The following ZNF462 variants were observed in gnomAD, a reference collection of about 807,000 sequenced individuals.
The protein encoded by ZNF462 is zinc finger PBX1-interacting protein.
Under a neutral mutation model 201.9 loss-of-function variants are expected in ZNF462, and 10 were observed. That is an observed-to-expected ratio of 0.05 (90% CI 0.03 to 0.08). ZNF462 has a LOEUF of 0.08. ZNF462 is among the 10% of genes least tolerant of loss of function. The pLI, the probability that ZNF462 is intolerant of heterozygous loss-of-function variation, is 1.00. For missense variants in ZNF462, 2,523 were observed against 3,168.3 expected (o/e 0.80, Z 4.89); for synonymous variants, 1,227 against 1,193.3 (o/e 1.03, Z -0.58).
Position 106,924,106 on chromosome 9 carries a change from G to A in ZNF462, c.221-27G>A. 1.3e-6 allele frequency: 2 copies of A among 1,542,368 alleles called. No homozygotes were observed. The highest frequency in any genetic ancestry group is 8.8e-7 in the Non-Finnish European group (1 of 1,140,664). On this transcript the variant is annotated intron_variant, in intron 2 of 12. Transcript: ENST00000277225. This position sits in a 1 kb window ranked among gnomAD's most constrained non-coding sequence, Gnocchi z 6.2. The stretch of plus-strand genomic sequence containing the variant: ...GGATATTTTAATTATCTTTTGCTTT[G>A]TCACTTTCCTTATGCTTTTTCTTTA...
chr9:106,874,392 G>T (rs1827733983), intron 1 of ZNF462, among the ~76,000 whole-genome samples: 1 of 152,174 alleles, frequency 6.6e-6, no homozygotes, highest in African/African-American at 2.4e-5. Flanking sequence ...CTACCCTCAG[G>T]AACTGCTTTG....
Position 106,919,862 on chromosome 9 carries a change from G to A in ZNF462, c.-30-3492G>A, listed in dbSNP as rs1159055766. Among the ~76,000 whole-genome samples, 1 of 152,194 alleles carries A rather than the reference G, an allele frequency of 6.6e-6. No homozygotes were observed. Among genetic ancestry groups the A allele is most frequent in the Non-Finnish European group, 1.5e-5 (1 of 68,034 alleles). Reference sequence around the variant, plus strand: ...AGACATATATCTGGGGTAGAAGACAGGGATGCTTGTTTGATATGTAGATTC... The same window carrying A: ...AGACATATATCTGGGGTAGAAGACAAGGATGCTTGTTTGATATGTAGATTC... On this transcript the variant is annotated intron_variant, in intron 1 of 12. Transcript: ENST00000277225. The surrounding 1 kb of genome is among the most constrained non-coding windows in gnomAD (Gnocchi z 4.5).
rs1254174338 is a variant in ZNF462, at chr9:106,872,555, G to A, written c.-31+9200G>A. 2.0e-5 allele frequency among the ~76,000 whole-genome samples: 3 copies of A among 152,072 alleles called. No individual in the cohort carries two copies. The East Asian group carries it at 5.8e-4, about 29-fold the overall frequency. On this transcript the variant is annotated intron_variant, in intron 1 of 12. Transcript: ENST00000277225. The surrounding 1 kb of genome is among the most constrained non-coding windows in gnomAD (Gnocchi z 4.5). ...TTTCTTGTATTTTAGTAGAGACGGGGTTTCACTGTGTTGTCCAGGCTGGTC... is the reference window on the plus strand; with the variant it reads ...TTTCTTGTATTTTAGTAGAGACGGGATTTCACTGTGTTGTCCAGGCTGGTC...
Position 106,902,764 on chromosome 9 carries a change from G to A in ZNF462, c.-30-20590G>A, listed in dbSNP as rs182915419. Among the ~76,000 whole-genome samples the A allele has an allele frequency of 3.3e-5, 5 of 152,166 alleles. No homozygotes were observed. The East Asian group carries it at 9.6e-4, about 29-fold the overall frequency. ...TTTTTGTATTTCTGTGGTATCAGAT[G>A]TAATATCACCTGTTTTGTTTCTTAG... On this transcript the variant is annotated intron_variant, in intron 1 of 12. Transcript: ENST00000277225. This position sits in a 1 kb window ranked among gnomAD's most constrained non-coding sequence, Gnocchi z 4.2.
In ZNF462 at chr9:106,945,538, C is replaced by G. The variant is rs373250471; in HGVS notation, c.6427+6431C>G. ...AACGACAATCATGAAATGGAGACTC[C>G]CAAGTGAATAATTAATTGTAAAATA... is the stretch of plus-strand genomic sequence containing the variant. On this transcript the variant is annotated intron_variant, in intron 7 of 12. Coordinates refer to ENST00000277225, the MANE Select transcript of ZNF462 (RefSeq NM_021224.6). 1.6e-4 allele frequency among the ~76,000 whole-genome samples: 24 copies of G among 152,106 alleles called. 3 individuals carry two copies. Among genetic ancestry groups the G allele is most frequent in the Admixed American group, 1.4e-3 (22 of 15,264 alleles).
chr9:106,880,793 GT>G lies in ZNF462; in HGVS notation c.-31+17439del, dbSNP rs1248463160. 6.6e-6 allele frequency among the ~76,000 whole-genome samples: 1 copy of G among 152,222 alleles called. No homozygotes were observed. The highest frequency in any genetic ancestry group is 1.5e-5 in the Non-Finnish European group (1 of 68,044). ...TAAAAAGGAATGTCTAGTAGGCAGT[GT>G]GGGGACCTGGACTCCCAAGATGGAT... On this transcript the variant is annotated intron_variant, in intron 1 of 12. Coordinates refer to ENST00000277225, the MANE Select transcript of ZNF462 (RefSeq NM_021224.6). This position sits in a 1 kb window ranked among gnomAD's most constrained non-coding sequence, Gnocchi z 4.1.
chr9:106,936,267 G>A (rs1415078373), intron 6 of ZNF462, among the ~76,000 whole-genome samples: 3 of 152,136 alleles, frequency 2.0e-5, no homozygotes, highest in Non-Finnish European at 4.4e-5. Flanking sequence ...TACCCACCAG[G>A]CTGTGCACTA....
intron 10 of ZNF462, among the ~76,000 whole-genome samples, chr9:107,001,682 G>A (rs1362957957): frequency 6.6e-6 from 1 of 152,164 alleles, no homozygotes; most frequent in Non-Finnish European, 1.5e-5. Flanking sequence ...TAGAGGGGAA[G>A]AAAGAGAAAT....
intron 1 of ZNF462, among the ~76,000 whole-genome samples, chr9:106,922,166 T>G (rs1177724970): frequency 2.0e-5 from 3 of 152,236 alleles, no homozygotes; most frequent in Non-Finnish European, 4.4e-5. Context: ...TAAAATACAT[T>G]GGCTACGGTG....
chr9:106,861,752 G>C (rs1021569728), upstream of ZNF462, among the ~76,000 whole-genome samples: 8 of 152,162 alleles, frequency 5.3e-5, no homozygotes, highest in Non-Finnish European at 1.2e-4. Context: ...GTGGTGGAGG[G>C]GGGGAACCAC....
rs1168021757 is a variant in ZNF462 at position 106,926,356 on chromosome 9, C to T, written c.2444C>T (p.Thr815Ile). ...TTGAAAGATCACCAAGTTTCCAATA[C>T]TGCTCTGCTGAATACCCAAACTCCC... ...TNLKDHQVSN[T>I]ALLNTQTPIY... is the part of the protein sequence containing the mutation. Residue 815 changes from threonine (T) to isoleucine (I), a missense_variant, in exon 3 of 13, where the codon ACT (threonine) becomes ATT (isoleucine). Around this residue, in one of 15 missense-constraint regions of ZNF462, gnomAD observed 383 missense variants for 453.4 expected, o/e 0.84. Coordinates refer to ENST00000277225, the MANE Select transcript of ZNF462 (RefSeq NM_021224.6). The surrounding 1 kb of genome is among the most constrained non-coding windows in gnomAD (Gnocchi z 7.9). The T allele has an allele frequency of 6.2e-7, 1 of 1,614,186 alleles. No homozygotes were observed. Among genetic ancestry groups the T allele is most frequent in the Admixed American group, 1.7e-5 (1 of 60,030 alleles).
At position 106,993,182 on chromosome 9, in the gene ZNF462, G is replaced by T. The variant is rs769452931; in HGVS notation, c.7056+8773G>T. Among the ~76,000 whole-genome samples the T allele has an allele frequency of 4.6e-5, 7 of 152,086 alleles. No homozygotes were observed. Among genetic ancestry groups the T allele is most frequent in the Non-Finnish European group, 7.4e-5 (5 of 67,994 alleles). On this transcript the variant is annotated intron_variant, in intron 10 of 12. Transcript: ENST00000277225. This position sits in a 1 kb window ranked among gnomAD's most constrained non-coding sequence, Gnocchi z 4.0. ...AAAAAGAACTGAACATTCAAAACTG[G>T]ACTTCTGAATTCTGCCTGCAAAGGT...
Position 107,010,467 on chromosome 9 carries a change from A to C in ZNF462, c.7314-356A>C, listed in dbSNP as rs1024734888. 6.8e-4 allele frequency among the ~76,000 whole-genome samples: 104 copies of C among 152,180 alleles called. 1 individual carries two copies. Among genetic ancestry groups the C allele is most frequent in the Admixed American group, 6.8e-3 (104 of 15,266 alleles). On this transcript the variant is annotated intron_variant, in intron 12 of 12. Coordinates refer to ENST00000277225, the MANE Select transcript of ZNF462 (RefSeq NM_021224.6). The surrounding 1 kb of genome is among the most constrained non-coding windows in gnomAD (Gnocchi z 4.6). The stretch of plus-strand genomic sequence containing the variant: ...TCCAAGCTTCTGGGTTCAGCCGATG[A>C]CTCTGAGCATAAGACAATTCTTGCT...
chr9:106,934,296 G>GA (rs61513773), intron 5 of ZNF462, among the ~76,000 whole-genome samples: 4,504 of 113,932 alleles, frequency 0.04, 121 homozygotes, highest in African/African-American at 0.076. Flanking sequence ...CTCTTGAGAT[G>GA]AAAAAAAAAA....
chr9:106,996,565 T>A (rs1486094717), intron 10 of ZNF462, among the ~76,000 whole-genome samples: 8 of 152,168 alleles, frequency 5.3e-5, no homozygotes, highest in Non-Finnish European at 5.9e-5. Flanking sequence ...TGATGGCCAG[T>A]GATGATGAGC....
chr9:106,987,038 T>TA (rs1032542011), intron 10 of ZNF462, among the ~76,000 whole-genome samples: 6 of 150,330 alleles, frequency 4.0e-5, no homozygotes, highest in Middle Eastern at 3.2e-3. Flanking sequence ...GATAGATAGA[T>TA]ATCACAGTTT....
intron 1 of ZNF462, among the ~76,000 whole-genome samples, chr9:106,894,092 T>C (rs1828706915): frequency 6.6e-6 from 1 of 152,168 alleles, no homozygotes; most frequent in African/African-American, 2.4e-5. Context: ...CTTTCTACAG[T>C]GAGGAAATGG....
chr9:106,918,989 T>C (rs1042711015), intron 1 of ZNF462, among the ~76,000 whole-genome samples: 45 of 152,230 alleles, frequency 3.0e-4, no homozygotes, highest in African/African-American at 1.0e-3. Flanking sequence ...AAGCACCTTA[T>C]GGTGTTTCTG....
chr9:106,893,034 A>G (rs998769500), intron 1 of ZNF462, among the ~76,000 whole-genome samples: 1 of 152,218 alleles, frequency 6.6e-6, no homozygotes, highest in Admixed American at 6.5e-5. Flanking sequence ...GAAATATACT[A>G]CCAAAACATA....
Sources: gnomAD v4.1 joint callset for allele counts (sites outside exome capture counted in the v4.1 genomes callset) on GRCh38, gnomAD v4.1.1 for gene constraint, gnomAD v4.1.1 regional missense constraint, Gnocchi (gnomAD v3.1) non-coding constraint, MANE v1.5 for transcripts, NCBI Gene and HGNC (gene_info 2026-07-23, HGNC 2026-07-21) for gene names.